Variants in PTK2 observed in about 807,000 individuals in gnomAD.
PTK2 encodes focal adhesion kinase 1.
A neutral mutation model predicts 150.1 loss-of-function variants in PTK2; 45 were observed. The observed-to-expected ratio is 0.30, with a 90% CI of 0.24 to 0.38. The LOEUF (loss-of-function observed/expected upper bound fraction) is 0.38. Ranked by LOEUF, PTK2 falls within the 10% of genes least tolerant of loss-of-function variation. The pLI is 1.00. For missense variants in PTK2, 919 were observed against 1,307.3 expected (o/e 0.70, Z 4.58); for synonymous variants, 432 against 449.2 (o/e 0.96, Z 0.48).
At chr8:140,771,014 G>A in intron 14 of PTK2, 1 of 197,338 alleles carries the variant, frequency 5.1e-6, no homozygotes, top group Non-Finnish European at 1.1e-5. Context: ...CTGTAGATTA[G>A]CACTTGATAC....
At chr8:140,698,633 T>A (rs2100028308) in intron 26 of PTK2, among the ~76,000 whole-genome samples, 1 of 151,502 alleles carries the variant, frequency 6.6e-6, no homozygotes, top group Admixed American at 6.6e-5. Context: ...TTTGTTTTTT[T>A]GAGACGGAGT....
chr8:140,667,464 C>CT (rs768011752), intron 30 of PTK2, among the ~76,000 whole-genome samples: 4 of 84,640 alleles, frequency 4.7e-5, no homozygotes, highest in African/African-American at 1.7e-4. Flanking sequence ...CTCTCTCTCT[C>CT]TCTTTTTTTT....
At chr8:140,723,480 G>C (rs545741381) in intron 22 of PTK2, among the ~76,000 whole-genome samples, 2 of 152,222 alleles carry the variant, frequency 1.3e-5, no homozygotes, top group African/African-American at 4.8e-5. Context: ...TCCATAGATG[G>C]AGTAGGAGGG....
At chr8:140,779,476 C>T (rs985528600) in intron 14 of PTK2, among the ~76,000 whole-genome samples, 2 of 152,076 alleles carry the variant, frequency 1.3e-5, no homozygotes, top group African/African-American at 4.8e-5. Context: ...GGCACCCTTA[C>T]CTCATCTCCA....
At chr8:140,689,480 C>G (rs2100021879) in intron 26 of PTK2, among the ~76,000 whole-genome samples, 1 of 152,134 alleles carries the variant, frequency 6.6e-6, no homozygotes, top group Admixed American at 6.5e-5. Context: ...GGACTTTTTT[C>G]TAGAAAGGGC....
intron 10 of PTK2, among the ~76,000 whole-genome samples, chr8:140,816,506 A>T (rs1268574940): frequency 6.6e-6 from 1 of 152,210 alleles, no homozygotes; most frequent in Non-Finnish European, 1.5e-5. Context: ...CGGTCTGTTT[A>T]AAGTCAACAG....
chr8:140,791,243 C>T (rs1296313535), intron 13 of PTK2, among the ~76,000 whole-genome samples: 1 of 152,126 alleles, frequency 6.6e-6, no homozygotes, highest in Non-Finnish European at 1.5e-5. Flanking sequence ...TTGCTATTCA[C>T]AGGCATGATC....
At chr8:140,750,865 C>A (rs1324827710) in intron 17 of PTK2, among the ~76,000 whole-genome samples, 2 of 152,218 alleles carry the variant, frequency 1.3e-5, no homozygotes, top group South Asian at 4.2e-4. Context: ...GCAGGCAGAG[C>A]CTAGAACTTT....
intron 8 of PTK2, 134 bp from the exon 9 acceptor site, chr8:140,819,154 G>C (rs1597065345): frequency 1.7e-5 from 14 of 843,214 alleles, no homozygotes; most frequent in Non-Finnish European, 2.1e-5. Flanking sequence ...AAGTATACTT[G>C]TCAAATAACT....
intron 17 of PTK2, among the ~76,000 whole-genome samples, chr8:140,747,821 A>AGAC (rs1200348606): frequency 6.6e-6 from 1 of 151,462 alleles, no homozygotes; most frequent in African/African-American, 2.4e-5. Context: ...AGGAGAAGAA[A>AGAC]GACGACGACA....
intron 21 of PTK2, 40 bp from the exon 25 acceptor site, chr8:140,735,495 T>G: frequency 6.3e-7 from 1 of 1,593,888 alleles, no homozygotes; most frequent in Non-Finnish European, 8.6e-7. Flanking sequence ...GAGCTCAGTA[T>G]GAAGAATGTA....
rs565825353 is a variant in PTK2 at position 140,719,844 on chromosome 8, C to A, written c.2031-2135G>T. ...GAGGCTGCAGTGAGCCAAGATAGCA[C>A]CACTGCACTCCAGCCTGGGTGACAG... is the stretch of plus-strand genomic sequence containing the variant. On this transcript the variant is annotated intron_variant, in intron 22 of 31. Coordinates refer to ENST00000522684, the Ensembl canonical transcript of PTK2. 1.7e-4 allele frequency among the ~76,000 whole-genome samples: 25 copies of A among 144,952 alleles called. 1 individual carries two copies. In the South Asian group the frequency reaches 5.4e-3, roughly 31 times the overall value.
chr8:140,792,397 T>G (rs921474653), intron 13 of PTK2, among the ~76,000 whole-genome samples: 3 of 152,140 alleles, frequency 2.0e-5, no homozygotes, highest in African/African-American at 7.2e-5. Flanking sequence ...GAATTCAGAG[T>G]GTCCTGTGGC....
chr8:140,973,256 C>G (rs533220260), intron 1 of PTK2, among the ~76,000 whole-genome samples: 2 of 152,136 alleles, frequency 1.3e-5, no homozygotes, highest in Non-Finnish European at 2.9e-5. Flanking sequence ...CTTGGAAGCT[C>G]GTCCGATAAA....
intron 13 of PTK2, among the ~76,000 whole-genome samples, chr8:140,789,957 T>A (rs2100087498): frequency 6.6e-6 from 1 of 152,230 alleles, no homozygotes; most frequent in South Asian, 2.1e-4. Flanking sequence ...TTCTCAAATT[T>A]ATGGCACATA....
At chr8:140,690,015 T>G (rs2100022151) in intron 26 of PTK2, among the ~76,000 whole-genome samples, 1 of 152,188 alleles carries the variant, frequency 6.6e-6, no homozygotes, top group Non-Finnish European at 1.5e-5. Flanking sequence ...TGCAGTGGCA[T>G]GACCTCAGCT....
intron 1 of PTK2, among the ~76,000 whole-genome samples, chr8:140,969,814 G>A (rs1208697958): frequency 1.3e-5 from 2 of 152,198 alleles, no homozygotes; most frequent in Non-Finnish European, 2.9e-5. Flanking sequence ...GTGCTAGACT[G>A]TTGTCAATTC....
chr8:140,755,344 G>T lies in PTK2; in HGVS notation c.1333-3028C>A, dbSNP rs140281147. Among the ~76,000 whole-genome samples the T allele has an allele frequency of 6.3e-3, 954 of 152,178 alleles. 6 individuals carry two copies. The highest frequency in any genetic ancestry group is 0.017 in the Middle Eastern group (5 of 294). The stretch of plus-strand genomic sequence containing the variant: ...AAAATTCTTACCTCAAGGTTCACAT[G>T]GCCCCACACATGTCCCCTGGTGGCT... On this transcript the variant is annotated intron_variant, in intron 16 of 31. Coordinates refer to ENST00000522684, the Ensembl canonical transcript of PTK2.
chr8:140,834,420 C>T (rs774961463), intron 7 of PTK2, among the ~76,000 whole-genome samples: 4 of 152,134 alleles, frequency 2.6e-5, no homozygotes, highest in South Asian at 2.1e-4. Context: ...AGAAGCCTTT[C>T]GTTGGGACTG....
Sources: gnomAD v4.1 joint callset for allele counts (sites outside exome capture counted in the v4.1 genomes callset) on GRCh38, gnomAD v4.1.1 for gene constraint, MANE v1.5 for transcripts, NCBI Gene and HGNC (gene_info 2026-07-23, HGNC 2026-07-21) for gene names.